The following HS6ST3 variants were observed in gnomAD, a reference collection of about 807,000 sequenced individuals.
The protein encoded by HS6ST3 is heparan sulfate 6-O-sulfotransferase 3.
A neutral mutation model predicts 36.7 loss-of-function variants in HS6ST3; 12 were observed. That is an observed-to-expected ratio of 0.33 (90% CI 0.21 to 0.53). The LOEUF (loss-of-function observed/expected upper bound fraction) is 0.53, where lower values mean the gene tolerates loss of function less well. Among genes scored for constraint, HS6ST3 ranks in the 20% least tolerant of loss-of-function variants. The probability of loss-of-function intolerance (pLI) is 0.95; values close to 1 mark genes in which losing one functional copy is unlikely to be tolerated. For synonymous variants in HS6ST3, 240 were observed against 257.5 expected (o/e 0.93, Z 0.65); for missense variants, 584 against 640.9 (o/e 0.91, Z 0.96).
chr13:96,457,932 A>C (rs552861940), intron 1 of HS6ST3, among the ~76,000 whole-genome samples: 2 of 152,068 alleles, frequency 1.3e-5, no homozygotes, highest in African/African-American at 4.8e-5. Flanking sequence ...TAAGAAGGCT[A>C]AGAGTCTATA....
intron 1 of HS6ST3, among the ~76,000 whole-genome samples, chr13:96,484,001 C>CT (rs2055901921): frequency 6.6e-6 from 1 of 152,144 alleles, no homozygotes; most frequent in Non-Finnish European, 1.5e-5. Flanking sequence ...GTTGAAAAGA[C>CT]TATCTTTCCT....
intron 1 of HS6ST3, among the ~76,000 whole-genome samples, chr13:96,811,885 C>G (rs1878323400): frequency 6.6e-6 from 1 of 152,104 alleles, no homozygotes; most frequent in African/African-American, 2.4e-5. Context: ...GAAGAATATG[C>G]TTAGATCAGA....
chr13:96,281,167 A>C (rs2054774346), intron 1 of HS6ST3, among the ~76,000 whole-genome samples: 1 of 151,904 alleles, frequency 6.6e-6, no homozygotes, highest in Non-Finnish European at 1.5e-5. Flanking sequence ...CACCACACCC[A>C]GCTAATTTTT....
intron 1 of HS6ST3, among the ~76,000 whole-genome samples, chr13:96,609,262 G>A (rs1219845434): frequency 2.0e-5 from 3 of 151,904 alleles, no homozygotes; most frequent in South Asian, 2.1e-4. Context: ...GAGCCACCAC[G>A]GCCGGCCTCT....
chr13:96,559,409 A>G (rs1326938528), intron 1 of HS6ST3, among the ~76,000 whole-genome samples: 1 of 152,122 alleles, frequency 6.6e-6, no homozygotes, highest in Non-Finnish European at 1.5e-5. Context: ...GTGATCCACC[A>G]TGCCCGGCCA....
At chr13:96,773,855 G>A (rs1438935218) in intron 1 of HS6ST3, among the ~76,000 whole-genome samples, 1 of 152,184 alleles carries the variant, frequency 6.6e-6, no homozygotes, top group East Asian at 1.9e-4. Context: ...CCTCAAGTGG[G>A]TCCCTGACCC....
chr13:96,543,485 G>GTAAAGA lies in HS6ST3; in HGVS notation c.708-289005_708-289004insTAAAGA, dbSNP rs1431165484. 1.1e-4 allele frequency among the ~76,000 whole-genome samples: 16 copies of GTAAAGA among 152,294 alleles called. No individual in the cohort carries two copies. The South Asian group carries it at 3.1e-3, about 30-fold the overall frequency. ...AACAACTTCATGAGTCTTCTTGACT[G>GTAAAGA]GCAGATGTTTGCTCTTTACACTGGA... On this transcript the variant is annotated intron_variant, in intron 1 of 1. Coordinates refer to ENST00000376705, the MANE Select transcript of HS6ST3 (RefSeq NM_153456.4).
chr13:96,218,787 C>T (rs1157318456), intron 1 of HS6ST3, among the ~76,000 whole-genome samples: 1 of 152,104 alleles, frequency 6.6e-6, no homozygotes, highest in East Asian at 1.9e-4. Flanking sequence ...GACTGAGTCT[C>T]TGTGTGTACC....
intron 1 of HS6ST3, among the ~76,000 whole-genome samples, chr13:96,362,539 C>T (rs1031069891): frequency 2.0e-5 from 3 of 152,178 alleles, no homozygotes; most frequent in African/African-American, 7.2e-5. Context: ...CAGGCTTCTT[C>T]TACTTTATGT....
At chr13:96,439,836 C>T (rs927358759) in intron 1 of HS6ST3, among the ~76,000 whole-genome samples, 4 of 152,126 alleles carry the variant, frequency 2.6e-5, no homozygotes, top group Admixed American at 6.5e-5. Flanking sequence ...ATTCTGAATA[C>T]GAGAGGATTC....
chr13:96,340,251 G>A (rs1255970388), intron 1 of HS6ST3, among the ~76,000 whole-genome samples: 1 of 152,166 alleles, frequency 6.6e-6, no homozygotes, highest in Non-Finnish European at 1.5e-5. Context: ...AATACTATCT[G>A]TGGAAACAAA....
chr13:96,678,045 T>C (rs1006011342), intron 1 of HS6ST3, among the ~76,000 whole-genome samples: 14 of 152,066 alleles, frequency 9.2e-5, no homozygotes, highest in African/African-American at 3.1e-4. Flanking sequence ...GGCTGGGAAG[T>C]CCAAGATCAA....
At chr13:96,731,161 T>A (rs1876142483) in intron 1 of HS6ST3, among the ~76,000 whole-genome samples, 1 of 152,256 alleles carries the variant, frequency 6.6e-6, no homozygotes, top group Non-Finnish European at 1.5e-5. Flanking sequence ...ATAGTCACTA[T>A]GTTGTACAAT....
chr13:96,208,420 A>G (rs2054382701), intron 1 of HS6ST3, among the ~76,000 whole-genome samples: 1 of 152,152 alleles, frequency 6.6e-6, no homozygotes. Flanking sequence ...ACAGGTACAT[A>G]AGCAATTCTT....
At chr13:96,454,959 A>G (rs183087623) in intron 1 of HS6ST3, among the ~76,000 whole-genome samples, 1 of 151,732 alleles carries the variant, frequency 6.6e-6, no homozygotes, top group Admixed American at 6.6e-5. Flanking sequence ...TTGAAGTTAA[A>G]TGAATTACTG....
chr13:96,216,770 T>C (rs563295334), intron 1 of HS6ST3, among the ~76,000 whole-genome samples: 3 of 152,260 alleles, frequency 2.0e-5, no homozygotes, highest in East Asian at 1.9e-4. Flanking sequence ...TGCCTTTTAT[T>C]ATCCTGGCCA....
At chr13:96,423,279 T>C (rs1342069160) in intron 1 of HS6ST3, among the ~76,000 whole-genome samples, 2 of 152,152 alleles carry the variant, frequency 1.3e-5, no homozygotes, top group Non-Finnish European at 2.9e-5. Flanking sequence ...TCCAAACATA[T>C]TTAGAGAATT....
At chr13:96,795,149 C>T (rs894567192) in intron 1 of HS6ST3, among the ~76,000 whole-genome samples, 4 of 151,932 alleles carry the variant, frequency 2.6e-5, no homozygotes, top group Admixed American at 6.6e-5. Flanking sequence ...ATATCTCAAA[C>T]CTTTCACTCT....
chr13:96,832,853 G>A lies in HS6ST3; in HGVS notation c.1071G>A (p.Gln357=), dbSNP rs755638285. ...CCTTCTTTGGGCTCACTGAGTTCCA[G>A]AGGAAGACACAGTTTCTCTTTGAGA... ...NMAFFGLTEF[Q]RKTQFLFERT... The change falls in exon 2 of 2, where the codon CAG becomes CAA. Residue 357 remains glutamine, a synonymous_variant. Transcript: ENST00000376705. The A allele has an allele frequency of 5.6e-6, 9 of 1,614,194 alleles. No homozygotes were observed. The South Asian group carries it at 8.8e-5, about 16-fold the overall frequency.
Sources: allele counts gnomAD v4.1 joint callset (sites outside exome capture counted in the v4.1 genomes callset), GRCh38; gene constraint gnomAD v4.1.1; transcripts MANE v1.5; gene names NCBI Gene and HGNC (gene_info 2026-07-23, HGNC 2026-07-21).